The following MDN1 variants were observed in gnomAD, a reference collection of about 807,000 sequenced individuals.
MDN1 encodes midasin.
Under a neutral mutation model 669.2 loss-of-function variants are expected in MDN1, and 266 were observed. The ratio of observed to expected loss-of-function variants is 0.40; its 90% CI spans 0.36 to 0.44. MDN1 has a LOEUF of 0.44. Ranked by LOEUF, MDN1 falls within the 20% of genes least tolerant of loss-of-function variation. MDN1 has a pLI of 1.00. For missense variants in MDN1, 5,940 were observed against 6,754.0 expected (o/e 0.88, Z 4.22); for synonymous variants, 2,385 against 2,457.1 (o/e 0.97, Z 0.87).
intron 18 of MDN1, 79 bp downstream of exon 18, chr6:89,758,734 TAAC>T (rs1015284918): frequency 4.1e-6 from 6 of 1,477,302 alleles, no homozygotes; most frequent in Non-Finnish European, 5.6e-6. Flanking sequence ...GTCATCCTTC[TAAC>T]AACAACAACA....
Position 89,687,010 on chromosome 6 carries a change from T to A in MDN1, c.11464A>T (p.Ser3822Cys), listed in dbSNP as rs201482703. ...RKLELNCWSMSLDNTMKRHTE... is the reference protein window; with the variant it reads ...RKLELNCWSMCLDNTMKRHTE... Reference sequence around the variant, plus strand: ...TGGCGCTTCATAGTATTATCCAAACTCATGGACCAGCAGCTGAAACGAGAA... The same window carrying A: ...TGGCGCTTCATAGTATTATCCAAACACATGGACCAGCAGCTGAAACGAGAA... The change falls in exon 69 of 102, where the codon AGT (serine) becomes TGT (cysteine). Residue 3822 changes from serine to cysteine, a missense_variant. Around this residue, in one of 5 missense-constraint regions of MDN1, gnomAD observed 2,280 missense variants for 2,576.3 expected, o/e 0.88. Transcript: ENST00000369393. 9 of 1,613,108 alleles carry A rather than the reference T, an allele frequency of 5.6e-6. No homozygotes were observed. Among genetic ancestry groups the A allele is most frequent in the Admixed American group, 1.7e-5 (1 of 59,820 alleles).
Position 89,656,682 on chromosome 6 carries a change from C to A in MDN1, c.15285+18G>T. ...ACATGCTGCCTTCACCTAAGTTTAG[C>A]TGAGGAGTGATAGAAACCTGTGTGT... On this transcript the variant is annotated intron_variant, in intron 91 of 101. Transcript: ENST00000369393. 6.4e-7 allele frequency: 1 copy of A among 1,568,024 alleles called. No individual in the cohort carries two copies. Among genetic ancestry groups the A allele is most frequent in the African/African-American group, 1.4e-5 (1 of 73,124 alleles).
chr6:89,686,778 A>T, intron 69 of MDN1, 124 bp downstream of exon 69: 1 of 1,298,468 alleles, frequency 7.7e-7, no homozygotes, highest in Non-Finnish European at 1.1e-6. Context: ...ATGAAGTCAA[A>T]TGGGAGGCAT....
rs565385859 is a variant in MDN1, at chr6:89,768,597, C to T, written c.2144+2964G>A. On this transcript the variant is annotated intron_variant, in intron 15 of 101. Transcript: ENST00000369393. Reference sequence around the variant, plus strand: ...CAAAAATAGAAAATAATTAGCTAAGCGTGGTGGTGCACGTCTGTAGTCCCA... The same window carrying T: ...CAAAAATAGAAAATAATTAGCTAAGTGTGGTGGTGCACGTCTGTAGTCCCA... Among the ~76,000 whole-genome samples, 204 of 151,890 alleles carry T rather than the reference C, an allele frequency of 1.3e-3. 1 individual carries two copies. The highest frequency in any genetic ancestry group is 4.9e-3 in the African/African-American group (201 of 41,408).
chr6:89,734,967 G>A lies in MDN1; in HGVS notation c.4724-2192C>T, dbSNP rs375810933. 5.4e-5 allele frequency among the ~76,000 whole-genome samples: 8 copies of A among 148,924 alleles called. No homozygotes were observed. In the East Asian group the frequency reaches 6.1e-4, roughly 11 times the overall value. ...GTGAAGTGGTGTGATCTTGGCTCAC[G>A]GCAACCTCCACCTCTCGGGTTCAAG... On this transcript the variant is annotated intron_variant, in intron 33 of 101. Coordinates refer to ENST00000369393, the MANE Select transcript of MDN1 (RefSeq NM_014611.3).
chr6:89,672,375 A>C lies in MDN1; in HGVS notation c.13631-12T>G. 1 of 1,610,524 alleles carries C rather than the reference A, an allele frequency of 6.2e-7. No homozygotes were observed. The highest frequency in any genetic ancestry group is 8.5e-7 in the Non-Finnish European group (1 of 1,179,288). On this transcript the variant is annotated splice_polypyrimidine_tract_variant and intron_variant, in intron 81 of 101. Coordinates refer to ENST00000369393, the MANE Select transcript of MDN1 (RefSeq NM_014611.3). ...TCTCTCAAAGCCTGCTGCCTCATTCATTCAGAGAAAATAACAACATGATGA... is the reference window on the plus strand; with the variant it reads ...TCTCTCAAAGCCTGCTGCCTCATTCCTTCAGAGAAAATAACAACATGATGA...
chr6:89,656,634 C>A, intron 91 of MDN1, 66 bp downstream of exon 91: 179 of 935,878 alleles, frequency 1.9e-4, no homozygotes, highest in Non-Finnish European at 2.6e-4. Context: ...TTTTAAAGCA[C>A]TACGTTTGGA....
chr6:89,785,265 G>C lies in MDN1; in HGVS notation c.1335-139C>G. On this transcript the variant is annotated intron_variant, in intron 8 of 101. Transcript: ENST00000369393. ...CCCTTCTGTTTCCAGATACTACACT[G>C]TTGGGCTTACAGGGCAGATGACAAA... 6 of 629,222 alleles carry C rather than the reference G, an allele frequency of 9.5e-6. No individual in the cohort carries two copies. The South Asian group carries it at 1.2e-4, about 12-fold the overall frequency. The allele number at this position is 629,222 out of a possible 1,614,324, so 39.0% of individuals were successfully genotyped here.
rs1815335781 is a variant in MDN1 at position 89,727,851 on chromosome 6, A to G, written c.5454T>C (p.His1818=). The change falls in exon 37 of 102, where the codon CAT becomes CAC. Residue 1818 remains histidine (H), a synonymous_variant. Transcript: ENST00000369393. The part of the protein sequence containing the change: ...GPLLAALKAG[H]WVVLDELNLA... ...CCCTCACCTCATCCAACACCACCCA[A>G]TGGCCTGCCTTCAAAGCTGCCAGTA... 2 of 1,613,708 alleles carry G rather than the reference A, an allele frequency of 1.2e-6. No homozygotes were observed. The highest frequency in any genetic ancestry group is 1.3e-5 in the African/African-American group (1 of 74,842).
chr6:89,690,212 G>C, intron 64 of MDN1, 69 bp from the exon 65 acceptor site: 1 of 1,489,994 alleles, frequency 6.7e-7, no homozygotes, highest in South Asian at 1.3e-5. Context: ...CTAAAAGGAA[G>C]AAAGAAAAAA....
rs772606728 is a variant in MDN1, at chr6:89,772,639, C to T, written c.2017G>A (p.Val673Met). The T allele has an allele frequency of 4.3e-6, 7 of 1,614,164 alleles. No individual in the cohort carries two copies. The East Asian group carries it at 1.1e-4, about 26-fold the overall frequency. The change falls in exon 14 of 102, where the codon GTG (valine) becomes ATG (methionine). Residue 673 changes from valine (V) to methionine (M), a missense_variant. Val to Met is a conservative substitution (Grantham distance 21). Around this residue, in one of 5 missense-constraint regions of MDN1, gnomAD observed 1,203 missense variants for 1,268.9 expected, o/e 0.95. Coordinates refer to ENST00000369393, the MANE Select transcript of MDN1 (RefSeq NM_014611.3). ...LAVCVSKGEP[V>M]LLVGETGTGK... is the part of the protein sequence containing the mutation. ...GTCCCGGTCTCTCCCACCAGCAACA[C>T]AGGCTCCCCTTTGCTGACACACACT...
Position 89,753,729 on chromosome 6 carries a change from T to G in MDN1, c.2965-107A>C. ...CTCTTGGGTGATGCTGCTTCCCAAC[T>G]TTTAAATATAGTAAGGTGGTAGATA... On this transcript the variant is annotated intron_variant, in intron 21 of 101. Coordinates refer to ENST00000369393, the MANE Select transcript of MDN1 (RefSeq NM_014611.3). 5 of 897,196 alleles carry G rather than the reference T, an allele frequency of 5.6e-6. No individual in the cohort carries two copies. In the Admixed American group the frequency reaches 1.0e-4, roughly 18 times the overall value. The allele number at this position is 897,196 out of a possible 1,614,324, so 55.6% of individuals were successfully genotyped here.
At chr6:89,811,160 G>A (rs1386314148) in intron 1 of MDN1, among the ~76,000 whole-genome samples, 4 of 152,074 alleles carry the variant, frequency 2.6e-5, no homozygotes, top group Non-Finnish European at 5.9e-5. Context: ...CTAGTATTCT[G>A]CATGAATACT....
intron 2 of MDN1, among the ~76,000 whole-genome samples, chr6:89,797,123 G>C (rs770726400): frequency 6.6e-6 from 1 of 152,044 alleles, no homozygotes; most frequent in Non-Finnish European, 1.5e-5. Flanking sequence ...TGTAATCCCA[G>C]CACTTTGGGA....
chr6:89,672,411 AC>A, intron 81 of MDN1, 48 bp from the exon 82 acceptor site: 1 of 1,605,438 alleles, frequency 6.2e-7, no homozygotes. Context: ...ATAACAGAAA[AC>A]AAATCCTTTT....
At chr6:89,701,296 T>C (rs1813144840) in intron 55 of MDN1, among the ~76,000 whole-genome samples, 1 of 152,212 alleles carries the variant, frequency 6.6e-6, no homozygotes, top group Non-Finnish European at 1.5e-5. Context: ...TGAGGTACTG[T>C]AAGTAATTTA....
In MDN1 at chr6:89,763,888, T is replaced by C. The variant is rs561997232; in HGVS notation, c.2145-1358A>G. ...CTTACTCATAGCACTAATACATTAG[T>C]ATAGGCATTTCTTTAGTCCATTTAT... On this transcript the variant is annotated intron_variant, in intron 15 of 101. Coordinates refer to ENST00000369393, the MANE Select transcript of MDN1 (RefSeq NM_014611.3). Among the ~76,000 whole-genome samples the C allele has an allele frequency of 3.3e-5, 5 of 152,256 alleles. No homozygotes were observed. The South Asian group carries it at 1.0e-3, about 32-fold the overall frequency.
chr6:89,684,101 T>C (rs545490701), intron 71 of MDN1, among the ~76,000 whole-genome samples, 197 bp from the exon 72 acceptor site: 1 of 152,246 alleles, frequency 6.6e-6, no homozygotes, highest in Non-Finnish European at 1.5e-5. Flanking sequence ...CCCAGCACTT[T>C]GGGAGGCCAA....
intron 5 of MDN1, among the ~76,000 whole-genome samples, chr6:89,791,875 A>AT (rs66492732): frequency 0.48 from 55,260 of 114,228 alleles, 14,238 homozygotes; most frequent in African/African-American, 0.62. Context: ...AAAACTTTTA[A>AT]TTTTTTTTTT....
Sources: gnomAD v4.1 joint callset for allele counts (sites outside exome capture counted in the v4.1 genomes callset) on GRCh38, gnomAD v4.1.1 for gene constraint, gnomAD v4.1.1 regional missense constraint, MANE v1.5 for transcripts, NCBI Gene and HGNC (gene_info 2026-07-23, HGNC 2026-07-21) for gene names.